The following DSCAM variants were observed in gnomAD, a reference collection of about 807,000 sequenced individuals.
The protein encoded by DSCAM is cell adhesion molecule DSCAM.
In DSCAM, 47 loss-of-function variants were observed where a neutral mutation model predicts 217.7. That is an observed-to-expected ratio of 0.22 (90% CI 0.17 to 0.28). DSCAM has a LOEUF of 0.28. Ranked by LOEUF, DSCAM falls within the 10% of genes least tolerant of loss-of-function variation. The pLI, the probability that DSCAM is intolerant of heterozygous loss-of-function variation, is 1.00. For synonymous variants in DSCAM, 1,056 were observed against 1,015.3 expected (o/e 1.04, Z -0.76); for missense variants, 2,080 against 2,618.3 (o/e 0.79, Z 4.49).
At chr21:40,683,702 G>A (rs115325970) in intron 3 of DSCAM, among the ~76,000 whole-genome samples, 1,591 of 152,190 alleles carry the variant, frequency 0.01, 22 homozygotes, top group African/African-American at 0.036. Context: ...TCTTCCTGTG[G>A]GAGAGAACGT....
At chr21:40,701,285 G>A (rs748325469) in intron 2 of DSCAM, among the ~76,000 whole-genome samples, 9 of 152,122 alleles carry the variant, frequency 5.9e-5, no homozygotes, top group East Asian at 5.8e-4. Flanking sequence ...ATAAAGTGAC[G>A]TTATCTCCCT....
Position 40,206,755 on chromosome 21 carries a change from A to C in DSCAM, c.2357-17517T>G, listed in dbSNP as rs572385330. Among the ~76,000 whole-genome samples the C allele has an allele frequency of 1.3e-3, 205 of 152,052 alleles. 2 individuals are homozygous for C. The highest frequency in any genetic ancestry group is 3.4e-3 in the Middle Eastern group (1 of 294). On this transcript the variant is annotated intron_variant, in intron 11 of 32. Transcript: ENST00000400454. Reference sequence around the variant, plus strand: ...AAGACCCCATCTCTACAAAAATAAAATAATAAATAACTGAGCATGGTAGCA... The same window carrying C: ...AAGACCCCATCTCTACAAAAATAAACTAATAAATAACTGAGCATGGTAGCA...
intron 3 of DSCAM, among the ~76,000 whole-genome samples, chr21:40,578,456 GCACTC>G (rs2076873650): frequency 6.6e-6 from 1 of 151,670 alleles, no homozygotes; most frequent in Admixed American, 6.6e-5. Flanking sequence ...AGACCAATCA[GCACTC>G]TGTAAAACGG....
chr21:40,371,170 T>C lies in DSCAM; in HGVS notation c.509-1925A>G, dbSNP rs75923744. On this transcript the variant is annotated intron_variant, in intron 3 of 32. Coordinates refer to ENST00000400454, the MANE Select transcript of DSCAM (RefSeq NM_001389.5). The stretch of plus-strand genomic sequence containing the variant: ...GTTTAAAATATGCCATAAATAATGC[T>C]AGCTATTAGAGAAGCTGAAAAATCT... 9.4e-3 allele frequency among the ~76,000 whole-genome samples: 1,430 copies of C among 152,322 alleles called. 25 individuals carry two copies. Among genetic ancestry groups the C allele is most frequent in the African/African-American group, 0.032 (1,333 of 41,566 alleles).
chr21:40,810,788 C>T (rs983339203), intron 1 of DSCAM, among the ~76,000 whole-genome samples: 4 of 152,020 alleles, frequency 2.6e-5, no homozygotes, highest in African/African-American at 9.7e-5. Context: ...GACTGTACTC[C>T]CAGCTACTCA....
chr21:40,537,065 C>A (rs2076505283), intron 3 of DSCAM, among the ~76,000 whole-genome samples: 1 of 152,164 alleles, frequency 6.6e-6, no homozygotes, highest in Admixed American at 6.5e-5. Flanking sequence ...CAGACTCCAG[C>A]TCATGACTTG....
chr21:40,336,158 G>A (rs1462802178), intron 8 of DSCAM, among the ~76,000 whole-genome samples: 1 of 152,160 alleles, frequency 6.6e-6, no homozygotes, highest in Non-Finnish European at 1.5e-5. Flanking sequence ...TTCAAGCAGA[G>A]TATGTCTGTG....
At chr21:40,449,531 A>G (rs1288684447) in intron 3 of DSCAM, among the ~76,000 whole-genome samples, 2 of 152,188 alleles carry the variant, frequency 1.3e-5, no homozygotes, top group African/African-American at 4.8e-5. Flanking sequence ...CCTCCCACAG[A>G]TGTTGATGTG....
intron 11 of DSCAM, among the ~76,000 whole-genome samples, chr21:40,245,179 G>A (rs2073206787): frequency 1.3e-5 from 2 of 152,216 alleles, no homozygotes; most frequent in South Asian, 4.1e-4. Flanking sequence ...TACGGCTGCT[G>A]CCGCCTGTTG....
At chr21:40,345,495 T>C (rs1569075908) in intron 6 of DSCAM, among the ~76,000 whole-genome samples, 1 of 152,194 alleles carries the variant, frequency 6.6e-6, no homozygotes, top group East Asian at 1.9e-4. Flanking sequence ...TTCCCAGAAC[T>C]GGAAACTTTT....
intron 3 of DSCAM, among the ~76,000 whole-genome samples, chr21:40,485,335 C>CG (rs1203940316): frequency 6.6e-6 from 1 of 151,062 alleles, no homozygotes; most frequent in African/African-American, 2.4e-5. Flanking sequence ...CTCCGCCTCC[C>CG]AGGTTCACGC....
Position 40,044,172 on chromosome 21 carries a change from G to T in DSCAM, c.5289C>A (p.Thr1763=). 2 of 1,614,178 alleles carry T rather than the reference G, an allele frequency of 1.2e-6. No individual in the cohort carries two copies. Among genetic ancestry groups the T allele is most frequent in the East Asian group, 2.2e-5 (1 of 44,868 alleles). Residue 1763 remains threonine (T), a synonymous_variant, in exon 31 of 33, where the codon ACC becomes ACA. Transcript: ENST00000400454. Reference sequence around the variant, plus strand: ...TTGGCAGCCTCCAGTCTGTGGTGAGGGTGTGTGCTGAGATGGTGGGGTGGG... The same window carrying T: ...TTGGCAGCCTCCAGTCTGTGGTGAGTGTGTGTGCTGAGATGGTGGGGTGGG... ...NRPHPTISAH[T]LTTDWRLPTP...
At chr21:40,648,911 C>T (rs1236039345) in intron 3 of DSCAM, among the ~76,000 whole-genome samples, 1 of 152,136 alleles carries the variant, frequency 6.6e-6, no homozygotes, top group East Asian at 1.9e-4. Context: ...GACAGGAGCT[C>T]GGGAACTGCC....
chr21:40,533,571 A>G (rs1278262569), intron 3 of DSCAM, among the ~76,000 whole-genome samples: 3 of 148,244 alleles, frequency 2.0e-5, no homozygotes, highest in Non-Finnish European at 3.0e-5. Context: ...CCATCCATCC[A>G]TCCATCCATC....
At position 40,124,379 on chromosome 21, in the gene DSCAM, C is replaced by T. The variant is rs16999336; in HGVS notation, c.3563-51G>A. 9,368 of 1,605,934 alleles carry T rather than the reference C, an allele frequency of 5.8e-3. 188 individuals carry two copies. The African/African-American group carries it at 0.06, about 10-fold the overall frequency. On this transcript the variant is annotated intron_variant, in intron 19 of 32. Transcript: ENST00000400454. ...AAGGTGGGGCCTCAACTTGGGCTTG[C>T]GGACCCACGCTTCCCAACATGACCC...
intron 3 of DSCAM, among the ~76,000 whole-genome samples, chr21:40,453,905 A>G (rs534211441): frequency 6.6e-6 from 1 of 152,314 alleles, no homozygotes; most frequent in South Asian, 2.1e-4. Context: ...GTGTAAGTAC[A>G]TCGAAGCAGG....
chr21:40,665,491 T>C (rs1568971894), intron 3 of DSCAM, among the ~76,000 whole-genome samples: 1 of 152,138 alleles, frequency 6.6e-6, no homozygotes, highest in African/African-American at 2.4e-5. Context: ...CTTTCATTTT[T>C]CTTTAACCAA....
rs772706848 is a variant in DSCAM, at chr21:40,078,827, G to A, written c.4571C>T (p.Ala1524Val). 3 of 1,614,138 alleles carry A rather than the reference G, an allele frequency of 1.9e-6. No homozygotes were observed. The highest frequency in any genetic ancestry group is 3.3e-5 in the Admixed American group (2 of 60,012). ...GGACTTGGAGAGAGAGGTCCTCTGA[G>A]CTGTGGTCCAAACTGTGGTCCCAAA... ...RPFGTTVWTT[A>V]QRTSLSKSYI... The change falls in exon 26 of 33, where the codon GCT becomes GTT. Residue 1524 changes from alanine (A) to valine (V), a missense_variant. Ala to Val is a moderately conservative substitution (Grantham distance 64). Transcript: ENST00000400454.
In DSCAM at chr21:40,187,766, C is replaced by A. The variant is rs1054813600; in HGVS notation, c.2650+125G>T. ...CTTTAGCACTGACATTATACATATT[C>A]AAAATTTCCTGGGAATTAGGAAGTG... On this transcript the variant is annotated intron_variant, in intron 13 of 32. Transcript: ENST00000400454. 10 of 888,682 alleles carry A rather than the reference C, an allele frequency of 1.1e-5. No individual in the cohort carries two copies. The Admixed American group carries it at 1.8e-4, about 16-fold the overall frequency. The allele number at this position is 888,682 out of a possible 1,614,324, so 55.0% of individuals were successfully genotyped here. A position where few individuals can be genotyped will look rare whatever the true frequency, so the allele number is the denominator to read the frequency against.
Sources: gnomAD v4.1 joint callset for allele counts (sites outside exome capture counted in the v4.1 genomes callset) on GRCh38, gnomAD v4.1.1 for gene constraint, MANE v1.5 for transcripts, NCBI Gene and HGNC (gene_info 2026-07-23, HGNC 2026-07-21) for gene names.